MTUS2: variants seen among roughly 807,000 people sequenced by gnomAD.
The protein encoded by MTUS2 is microtubule associated scaffold protein 2.
In MTUS2, 40 loss-of-function variants were observed where a neutral mutation model predicts 114.1. The ratio of observed to expected loss-of-function variants is 0.35; its 90% CI spans 0.27 to 0.46. The LOEUF is 0.46. MTUS2 is among the 20% of genes least tolerant of loss of function. MTUS2 has a pLI of 1.00. For synonymous variants in MTUS2, 688 were observed against 672.0 expected (o/e 1.02, Z -0.37); for missense variants, 1,679 against 1,705.4 (o/e 0.98, Z 0.27).
At chr13:29,048,860 C>A (rs1387332474) in intron 4 of MTUS2, among the ~76,000 whole-genome samples, 1 of 152,320 alleles carries the variant, frequency 6.6e-6, no homozygotes, top group South Asian at 2.1e-4. Flanking sequence ...AAGCATTCCA[C>A]GTGCCTCAGC....
chr13:29,067,499 A>G (rs1293780455), intron 4 of MTUS2, among the ~76,000 whole-genome samples: 1 of 152,196 alleles, frequency 6.6e-6, no homozygotes, highest in African/African-American at 2.4e-5. Context: ...TTGGTGACCT[A>G]GTTTTGAATG....
At chr13:29,183,028 G>A (rs1894071558) in intron 5 of MTUS2, among the ~76,000 whole-genome samples, 1 of 152,206 alleles carries the variant, frequency 6.6e-6, no homozygotes, top group African/African-American at 2.4e-5. Context: ...TGTGCGAAAT[G>A]GGAAGCCAGT....
chr13:28,954,916 C>T (rs1882985502), intron 2 of MTUS2, among the ~76,000 whole-genome samples: 1 of 152,134 alleles, frequency 6.6e-6, no homozygotes, highest in African/African-American at 2.4e-5. Flanking sequence ...CTTATTTGGC[C>T]TGTGCTCTGT....
chr13:29,209,538 A>G (rs1349085244), intron 5 of MTUS2, among the ~76,000 whole-genome samples: 2 of 148,480 alleles, frequency 1.3e-5, no homozygotes, highest in East Asian at 2.0e-4. Flanking sequence ...TGTGAGTTTT[A>G]TGCTTTAAGG....
intron 4 of MTUS2, among the ~76,000 whole-genome samples, chr13:29,089,866 G>A (rs781037887): frequency 6.6e-6 from 1 of 152,146 alleles, no homozygotes; most frequent in Non-Finnish European, 1.5e-5. Flanking sequence ...CTTTGAATTA[G>A]GTTTCAGCCT....
At chr13:29,268,230 A>G (rs1897741406) in intron 5 of MTUS2, among the ~76,000 whole-genome samples, 1 of 152,184 alleles carries the variant, frequency 6.6e-6, no homozygotes, top group Non-Finnish European at 1.5e-5. Context: ...AGGAAGGGAC[A>G]ATAAGCTCTT....
intron 2 of MTUS2, among the ~76,000 whole-genome samples, chr13:28,856,273 G>A (rs1876622793): frequency 6.6e-6 from 1 of 152,182 alleles, no homozygotes; most frequent in South Asian, 2.1e-4. Flanking sequence ...TGGACACATT[G>A]CACATTTAGG....
At chr13:29,158,564 G>A in intron 5 of MTUS2, among the ~76,000 whole-genome samples, 1 of 151,612 alleles carries the variant, frequency 6.6e-6, no homozygotes, top group Non-Finnish European at 1.5e-5. Context: ...AGGAAGACAT[G>A]GAAGAAAAAA....
chr13:28,917,473 C>A (rs897663966), intron 2 of MTUS2, among the ~76,000 whole-genome samples: 2 of 151,674 alleles, frequency 1.3e-5, no homozygotes, highest in Non-Finnish European at 3.0e-5. Context: ...TGGATTTCTT[C>A]ATGGTTAAAT....
intron 8 of MTUS2, among the ~76,000 whole-genome samples, chr13:29,425,957 G>A (rs538855125): frequency 6.6e-6 from 1 of 152,262 alleles, no homozygotes; most frequent in Non-Finnish European, 1.5e-5. Flanking sequence ...CTAGTATAGA[G>A]CACTCTAAAC....
At position 29,389,812 on chromosome 13, in the gene MTUS2, TATATACATAC is replaced by T. The variant is rs774031718; in HGVS notation, c.3117+30344_3117+30353del. 2.8e-3 allele frequency among the ~76,000 whole-genome samples: 207 copies of T among 74,426 alleles called. 51 individuals carry two copies. The highest frequency in any genetic ancestry group is 9.1e-3 in the African/African-American group (156 of 17,084). 48.8% of individuals were successfully genotyped at this position (74,426 alleles called of 152,430 possible). On this transcript the variant is annotated intron_variant, in intron 8 of 15. Coordinates refer to ENST00000612955, the MANE Select transcript of MTUS2 (RefSeq NM_001033602.4). Reference sequence around the variant, plus strand: ...ATATGTATATACATACATATGTGTATATATACATACATATGTGTATATATACATACATATG... The same window carrying T: ...ATATGTATATACATACATATGTGTATATATGTGTATATATACATACATATG...
chr13:28,891,369 A>G (rs748710383), intron 2 of MTUS2, among the ~76,000 whole-genome samples: 1 of 152,180 alleles, frequency 6.6e-6, no homozygotes, highest in African/African-American at 2.4e-5. Context: ...CTTACTTTTC[A>G]CCATCTACTC....
At chr13:28,967,845 A>G (rs138107167) in intron 2 of MTUS2, among the ~76,000 whole-genome samples, 95 of 152,326 alleles carry the variant, frequency 6.2e-4, no homozygotes, top group African/African-American at 2.2e-3. Context: ...TTTGTTTCAT[A>G]TGGAGTATAT....
At chr13:29,378,074 T>C (rs959168730) in intron 8 of MTUS2, among the ~76,000 whole-genome samples, 5 of 152,136 alleles carry the variant, frequency 3.3e-5, no homozygotes, top group African/African-American at 9.7e-5. Flanking sequence ...GAAAAAACTA[T>C]AGTGACAGAG....
intron 5 of MTUS2, among the ~76,000 whole-genome samples, chr13:29,247,134 T>C (rs912649443): frequency 1.3e-5 from 2 of 152,188 alleles, no homozygotes; most frequent in African/African-American, 2.4e-5. Context: ...AACTGATCTT[T>C]GGCAAAGCAA....
At chr13:28,944,097 T>C (rs1593320155) in intron 2 of MTUS2, among the ~76,000 whole-genome samples, 1 of 152,140 alleles carries the variant, frequency 6.6e-6, no homozygotes, top group South Asian at 2.1e-4. Flanking sequence ...CTAATTTTCT[T>C]TTTTTAATAT....
chr13:28,980,331 A>T (rs2138291836), intron 2 of MTUS2, among the ~76,000 whole-genome samples: 1 of 152,326 alleles, frequency 6.6e-6, no homozygotes, highest in South Asian at 2.1e-4. Context: ...AGACATTAGA[A>T]GGTATGCTTT....
intron 2 of MTUS2, among the ~76,000 whole-genome samples, chr13:28,936,704 C>T (rs974554958): frequency 2.0e-5 from 3 of 152,158 alleles, no homozygotes; most frequent in Non-Finnish European, 2.9e-5. Flanking sequence ...CAGGCATTTC[C>T]GGTGTCCCCT....
chr13:29,206,676 A>C (rs1445776112), intron 5 of MTUS2, among the ~76,000 whole-genome samples: 1 of 151,872 alleles, frequency 6.6e-6, no homozygotes, highest in African/African-American at 2.4e-5. Context: ...TCCTTTCTCC[A>C]CTTTATATTT....
Sources: gnomAD v4.1 joint callset for allele counts (sites outside exome capture counted in the v4.1 genomes callset) on GRCh38, gnomAD v4.1.1 for gene constraint, MANE v1.5 for transcripts, NCBI Gene and HGNC (gene_info 2026-07-23, HGNC 2026-07-21) for gene names.